The following CRYBG3 variants were observed in gnomAD, a reference collection of about 807,000 sequenced individuals.
CRYBG3 encodes crystallin beta-gamma domain containing 3, also known as very large A-kinase anchor protein.
CRYBG3 carries 127 observed loss-of-function variants against 244.2 expected under a neutral mutation model. The observed-to-expected ratio is 0.52, with a 90% CI of 0.45 to 0.60. The LOEUF is 0.60. Ranked by LOEUF, CRYBG3 falls within the 20% of genes least tolerant of loss-of-function variation. The pLI, the probability that CRYBG3 is intolerant of heterozygous loss-of-function variation, is 0.00. For synonymous variants in CRYBG3, 1,132 were observed against 1,195.8 expected (o/e 0.95, Z 1.10); for missense variants, 3,325 against 3,442.5 (o/e 0.97, Z 0.85).
In CRYBG3 at chr3:97,877,091, C is replaced by A; in HGVS notation, c.5897C>A (p.Ser1966Tyr). 6.2e-7 allele frequency: 1 copy of A among 1,611,974 alleles called. No individual in the cohort carries two copies. Among genetic ancestry groups the A allele is most frequent in the South Asian group, 1.1e-5 (1 of 90,708 alleles). Residue 1966 changes from serine (S) to tyrosine (Y), a missense_variant, in exon 4 of 22, where the codon TCT (serine) becomes TAT (tyrosine). Around this residue, in one of 4 missense-constraint regions of CRYBG3, gnomAD observed 450 missense variants for 424.1 expected, o/e 1.06. Transcript: ENST00000389622. Reference protein sequence around the residue: ...DTTVRLDKRMSLTAIYDKRRE... With the variant: ...DTTVRLDKRMYLTAIYDKRRE... ...ACAGTAAGACTAGACAAAAGAATGT[C>A]TCTTACTGCAATATATGACAAGAGG...
In CRYBG3 at chr3:97,877,534, A is replaced by G. The variant is rs751048141; in HGVS notation, c.6340A>G (p.Arg2114Gly). The G allele has an allele frequency of 3.7e-6, 6 of 1,614,048 alleles. No individual in the cohort carries two copies. In the South Asian group the frequency reaches 6.6e-5, roughly 18 times the overall value. Reference sequence around the variant, plus strand: ...TGGTCACCATGGCCCCAGGAAATCAAGAGACAGTGAAAACCAGTCCTCTTC... The same window carrying G: ...TGGTCACCATGGCCCCAGGAAATCAGGAGACAGTGAAAACCAGTCCTCTTC... ...SPGHHGPRKS[R>G]DSENQSSSVL... is the part of the protein sequence containing the mutation. Residue 2114 changes from arginine (R) to glycine (G), a missense_variant, in exon 4 of 22, where the codon AGA becomes GGA. Transcript: ENST00000389622.
In CRYBG3 at chr3:97,942,402, T is replaced by C; in HGVS notation, c.8783T>C (p.Ile2928Thr). 6.2e-7 allele frequency: 1 copy of C among 1,611,668 alleles called. No homozygotes were observed. The highest frequency in any genetic ancestry group is 8.5e-7 in the Non-Finnish European group (1 of 1,178,406). The change falls in exon 21 of 22, where the codon ATC becomes ACC. Residue 2928 changes from isoleucine (I) to threonine (T), a missense_variant. Transcript: ENST00000389622. The part of the protein sequence containing the change: ...QKWRLNKNGT[I>T]SSYLSDQLVL... The stretch of plus-strand genomic sequence containing the variant: ...TGGAGACTGAATAAAAATGGAACTA[T>C]CAGCTCTTATCTCAGTGATCAACTT...
At chr3:97,866,405 G>A (rs568621606) in intron 3 of CRYBG3, among the ~76,000 whole-genome samples, 2 of 152,290 alleles carry the variant, frequency 1.3e-5, no homozygotes, top group Admixed American at 6.5e-5. Flanking sequence ...TCCATAATAT[G>A]GGATTACGAT....
chr3:97,843,678 A>G (rs1358910668), intron 2 of CRYBG3, among the ~76,000 whole-genome samples: 3 of 152,202 alleles, frequency 2.0e-5, no homozygotes, highest in African/African-American at 2.4e-5. Context: ...ATCTGTTTCT[A>G]CATATCATTG....
chr3:97,874,040 A>G lies in CRYBG3; in HGVS notation c.2846A>G (p.Asp949Gly). ...NISWILPPIHDEKISRQMAQN... is the reference protein window; with the variant it reads ...NISWILPPIHGEKISRQMAQN... ...TCTTGGATTTTACCACCTATTCATG[A>G]TGAAAAAATCAGTAGGCAAATGGCG... Residue 949 changes from aspartate (D) to glycine (G), a missense_variant, in exon 4 of 22, where the codon GAT becomes GGT. By Grantham distance (94) the Asp-to-Gly change is moderately conservative. Transcript: ENST00000389622. 6.5e-7 allele frequency: 1 copy of G among 1,535,850 alleles called. No homozygotes were observed. Among genetic ancestry groups the G allele is most frequent in the Non-Finnish European group, 8.7e-7 (1 of 1,146,824 alleles).
chr3:97,864,220 C>G lies in CRYBG3; in HGVS notation c.220C>G (p.Arg74Gly). The part of the protein sequence containing the change: ...NVLSSEAVKI[R>G]QSEDKRNHAE... ...ATTGTCTATTTTGTTTTCAAAGATTCGCCAAAGTGAGGACAAAAGGAACCA... is the reference window on the plus strand; with the variant it reads ...ATTGTCTATTTTGTTTTCAAAGATTGGCCAAAGTGAGGACAAAAGGAACCA... Residue 74 changes from arginine to glycine, a missense_variant, in exon 3 of 22, where the codon CGC becomes GGC. Arg to Gly is a moderately radical substitution (Grantham distance 125, BLOSUM62 -2). This residue lies in a region of CRYBG3 where 1,526 missense variants were observed against 1,443.2 expected (regional missense o/e 1.06). Transcript: ENST00000389622. 1 of 1,481,246 alleles carries G rather than the reference C, an allele frequency of 6.8e-7. No individual in the cohort carries two copies. Among genetic ancestry groups the G allele is most frequent in the Non-Finnish European group, 8.9e-7 (1 of 1,125,882 alleles). The allele number at this position is 1,481,246 out of a possible 1,614,324, so 91.8% of individuals were successfully genotyped here. A position where few individuals can be genotyped will look rare whatever the true frequency, so the allele number is the denominator to read the frequency against.
chr3:97,863,629 A>G (rs1035155955), intron 2 of CRYBG3, among the ~76,000 whole-genome samples: 59 of 152,122 alleles, frequency 3.9e-4, no homozygotes, highest in African/African-American at 1.4e-3. Context: ...GGTTAACACA[A>G]TGCTGAAATG....
At chr3:97,924,209 G>A (rs1374045929) in intron 17 of CRYBG3, 1 of 333,622 alleles carries the variant, frequency 3.0e-6, no homozygotes, top group Non-Finnish European at 5.8e-6. Context: ...ATGGTGTTGA[G>A]ACAATTGACC....
At chr3:97,880,529 A>T (rs1280587129) in intron 6 of CRYBG3, among the ~76,000 whole-genome samples, 1 of 152,220 alleles carries the variant, frequency 6.6e-6, no homozygotes, top group Non-Finnish European at 1.5e-5. Flanking sequence ...GAATCTTTGT[A>T]TGGTCTAAAA....
At chr3:97,853,851 C>T (rs143516353) in intron 2 of CRYBG3, among the ~76,000 whole-genome samples, 1 of 151,760 alleles carries the variant, frequency 6.6e-6, no homozygotes, top group Non-Finnish European at 1.5e-5. Context: ...CATTTTTTCA[C>T]GTTTTTGTTA....
intron 16 of CRYBG3, among the ~76,000 whole-genome samples, chr3:97,913,003 T>C (rs189674607): frequency 6.6e-5 from 10 of 152,256 alleles, no homozygotes; most frequent in African/African-American, 2.4e-4. Context: ...TTTTAAAATA[T>C]CTTAGGTTTG....
At chr3:97,918,472 G>A (rs527735060) in intron 17 of CRYBG3, among the ~76,000 whole-genome samples, 1 of 152,232 alleles carries the variant, frequency 6.6e-6, no homozygotes, top group African/African-American at 2.4e-5. Flanking sequence ...CTTCTGTAAA[G>A]AAACTGTTAG....
At position 97,843,254 on chromosome 3, in the gene CRYBG3, CAGTAAAGGTAT is replaced by C; in HGVS notation, c.213_216+7del. 6.8e-7 allele frequency: 1 copy of C among 1,465,790 alleles called. No homozygotes were observed. The highest frequency in any genetic ancestry group is 9.2e-7 in the Non-Finnish European group (1 of 1,087,822). 90.8% of individuals were successfully genotyped at this position (1,465,790 alleles called of 1,614,324 possible). On this transcript the variant is annotated splice_donor_variant and splice_donor_region_variant and coding_sequence_variant and intron_variant, in exon 2 of 22. Transcript: ENST00000389622. LOFTEE classifies it high-confidence loss of function. ...AAGGAAAATGTACTTTCATCAGAAG[CAGTAAAGGTAT>C]AGTTTTAAATTAATATTATTTTATA...
At chr3:97,834,539 A>G (rs188334588) in intron 1 of CRYBG3, among the ~76,000 whole-genome samples, 1 of 152,250 alleles carries the variant, frequency 6.6e-6, no homozygotes, top group East Asian at 1.9e-4. Context: ...TTTGAATTTG[A>G]TGTTTTAATA....
At chr3:97,854,165 T>C (rs945406200) in intron 2 of CRYBG3, among the ~76,000 whole-genome samples, 1 of 152,220 alleles carries the variant, frequency 6.6e-6, no homozygotes, top group African/African-American at 2.4e-5. Context: ...CTCTATTCTG[T>C]TCCTTTGGTC....
chr3:97,866,802 T>C (rs1287107916), intron 3 of CRYBG3, among the ~76,000 whole-genome samples: 1 of 152,182 alleles, frequency 6.6e-6, no homozygotes, highest in East Asian at 1.9e-4. Flanking sequence ...GTAGAATAAT[T>C]CCTTGTAAAT....
chr3:97,941,936 GT>G (rs1163513964), intron 20 of CRYBG3: 2 of 166,674 alleles, frequency 1.2e-5, no homozygotes, highest in Non-Finnish European at 2.6e-5. Flanking sequence ...ATCATGCAAT[GT>G]TTTCATAAGA....
intron 1 of CRYBG3, 70 bp downstream of exon 1, chr3:97,822,425 C>T (rs1457176021): frequency 3.0e-6 from 4 of 1,340,424 alleles, no homozygotes; most frequent in Admixed American, 6.3e-5. Flanking sequence ...CCGGCCTGAC[C>T]GCCGGCAGCG....
In CRYBG3 at chr3:97,875,362, A is replaced by G; in HGVS notation, c.4168A>G (p.Thr1390Ala). 1 of 1,423,792 alleles carries G rather than the reference A, an allele frequency of 7.0e-7. No individual in the cohort carries two copies. The highest frequency in any genetic ancestry group is 9.1e-7 in the Non-Finnish European group (1 of 1,097,456). The allele number at this position is 1,423,792 out of a possible 1,614,324, so 88.2% of individuals were successfully genotyped here. Residue 1390 changes from threonine (T) to alanine (A), a missense_variant, in exon 4 of 22, where the codon ACA becomes GCA. By Grantham distance (58) the Thr-to-Ala change is moderately conservative. Around this residue, in one of 4 missense-constraint regions of CRYBG3, gnomAD observed 635 missense variants for 771.7 expected, o/e 0.82. Transcript: ENST00000389622. ...CTCCCTAAGTAACTTAGCTAGTGGCACAGAGTCAATTAAGGGAGGAGAAAT... is the reference window on the plus strand; with the variant it reads ...CTCCCTAAGTAACTTAGCTAGTGGCGCAGAGTCAATTAAGGGAGGAGAAAT... ...FFSLSNLASG[T>A]ESIKGGEIVL...
Sources: allele counts gnomAD v4.1 joint callset (sites outside exome capture counted in the v4.1 genomes callset), GRCh38; gene constraint gnomAD v4.1.1; regional missense constraint gnomAD v4.1.1; transcripts MANE v1.5; gene names NCBI Gene and HGNC (gene_info 2026-07-23, HGNC 2026-07-21).